TBC1D16: variants seen among roughly 807,000 people sequenced by gnomAD.
TBC1D16 encodes TBC1 domain family member 16.
A neutral mutation model predicts 74.7 loss-of-function variants in TBC1D16; 58 were observed. That is an observed-to-expected ratio of 0.78 (90% CI 0.63 to 0.97). The LOEUF is 0.97. Among genes scored for constraint, TBC1D16 ranks in the 50% least tolerant of loss-of-function variants. The pLI, the probability that TBC1D16 is intolerant of heterozygous loss-of-function variation, is 0.00. For synonymous variants in TBC1D16, 493 were observed against 474.7 expected (o/e 1.04, Z -0.50); for missense variants, 1,014 against 1,079.5 (o/e 0.94, Z 0.85).
chr17:79,984,615 G>GGGAGGGAA (rs2034745160), intron 3 of TBC1D16, among the ~76,000 whole-genome samples: 1 of 50,052 alleles, frequency 2.0e-5, no homozygotes, highest in Non-Finnish European at 4.0e-5. Context: ...GAGGGAGGGA[G>GGGAGGGAA]GGAGTGAAGG....
chr17:80,003,912 G>A (rs2035582810), intron 3 of TBC1D16, among the ~76,000 whole-genome samples: 2 of 152,176 alleles, frequency 1.3e-5, no homozygotes, highest in African/African-American at 4.8e-5. Flanking sequence ...AACGGGGCAT[G>A]GTGGTGCATG....
At position 79,941,685 on chromosome 17, in the gene TBC1D16, A is replaced by C. The variant is rs1253240085; in HGVS notation, c.2055+375T>G. 6.6e-6 allele frequency among the ~76,000 whole-genome samples: 1 copy of C among 152,206 alleles called. No individual in the cohort carries two copies. Among genetic ancestry groups the C allele is most frequent in the Non-Finnish European group, 1.5e-5 (1 of 68,032 alleles). ...CCAGTATTCTGGCCACCCTGTCCCC[A>C]GGTCCAGCCTCCTTCTCAGTGTTCC... On this transcript the variant is annotated intron_variant, in intron 11 of 11. Transcript: ENST00000310924. This position sits in a 1 kb window ranked among gnomAD's most constrained non-coding sequence, Gnocchi z 4.3.
rs75883580 is a variant in TBC1D16 at position 79,954,620 on chromosome 17, C to T, written c.780-1802G>A. 4.5e-4 allele frequency among the ~76,000 whole-genome samples: 68 copies of T among 152,294 alleles called. No individual in the cohort carries two copies. The East Asian group carries it at 6.2e-3, about 14-fold the overall frequency. On this transcript the variant is annotated intron_variant, in intron 3 of 11. Transcript: ENST00000310924. This position sits in a 1 kb window ranked among gnomAD's most constrained non-coding sequence, Gnocchi z 5.5. ...AGTGGACCCTGCGGGAGCTGCGCTT[C>T]AGAATCGTTGCTCACAACACAGGGC...
intron 3 of TBC1D16, among the ~76,000 whole-genome samples, chr17:79,955,078 G>A (rs1425017751): frequency 1.3e-5 from 2 of 152,202 alleles, no homozygotes; most frequent in Non-Finnish European, 2.9e-5. Context: ...CCCCAGCAAC[G>A]TGCCTCCAGG....
At chr17:79,948,088 AT>A (rs753043322) in intron 8 of TBC1D16, among the ~76,000 whole-genome samples, 1 of 152,194 alleles carries the variant, frequency 6.6e-6, no homozygotes, top group Non-Finnish European at 1.5e-5. Flanking sequence ...AGGTGGGCAG[AT>A]CACCTGAGGT....
intron 9 of TBC1D16, among the ~76,000 whole-genome samples, chr17:79,946,402 G>A (rs997498736): frequency 5.9e-4 from 90 of 152,308 alleles, no homozygotes; most frequent in African/African-American, 1.8e-3. Context: ...GGGAATGCTC[G>A]CTGGCCCGTC....
Position 79,935,171 on chromosome 17 carries a change from T to G in TBC1D16, c.*5688A>C, listed in dbSNP as rs2031504915. ...CAGCCAAGGCTCAATAAAATACTGTTTGTGTTTCCAGGCACTGGGGTGGGA... is the reference window on the plus strand; with the variant it reads ...CAGCCAAGGCTCAATAAAATACTGTGTGTGTTTCCAGGCACTGGGGTGGGA... On this transcript the variant is annotated 3_prime_UTR_variant, in exon 12 of 12. Coordinates refer to ENST00000310924, the MANE Select transcript of TBC1D16 (RefSeq NM_019020.4). 1 of 152,266 alleles carries G rather than the reference T, an allele frequency of 6.6e-6. No homozygotes were observed. Among genetic ancestry groups the G allele is most frequent in the Non-Finnish European group, 1.5e-5 (1 of 68,066 alleles). 9.4% of individuals were successfully genotyped at this position (152,266 alleles called of 1,614,324 possible). A position where few individuals can be genotyped will look rare whatever the true frequency, so the allele number is the denominator to read the frequency against.
intron 3 of TBC1D16, among the ~76,000 whole-genome samples, chr17:79,998,521 T>TA (rs1212458149): frequency 1.3e-5 from 2 of 148,800 alleles, no homozygotes; most frequent in Non-Finnish European, 1.5e-5. Flanking sequence ...ATAATTTTTT[T>TA]TTTTTTTTTT....
intron 1 of TBC1D16, among the ~76,000 whole-genome samples, chr17:80,017,048 T>C (rs1323559082): frequency 1.3e-5 from 2 of 152,076 alleles, no homozygotes; most frequent in Non-Finnish European, 2.9e-5. Context: ...CTCAACCGTC[T>C]CCAGGGCCCT....
intron 3 of TBC1D16, among the ~76,000 whole-genome samples, chr17:79,963,459 C>A (rs2165995): frequency 6.6e-6 from 1 of 151,990 alleles, no homozygotes; most frequent in Admixed American, 6.6e-5. Context: ...TTCCATTGTA[C>A]GGATGGACCG....
Position 80,035,811 on chromosome 17 carries a change from G to A in TBC1D16, c.-79C>T, listed in dbSNP as rs2036986589. 1 of 146,480 alleles carries A rather than the reference G, an allele frequency of 6.8e-6. No individual in the cohort carries two copies. The highest frequency in any genetic ancestry group is 1.5e-5 in the Non-Finnish European group (1 of 65,844). 9.1% of individuals were successfully genotyped at this position (146,480 alleles called of 1,614,324 possible). Reference sequence around the variant, plus strand: ...GATACCCACCCGGGTCCCGCTGCGGGGGCCGGATTCGCGCCGGCTCCGAGA... The same window carrying A: ...GATACCCACCCGGGTCCCGCTGCGGAGGCCGGATTCGCGCCGGCTCCGAGA... On this transcript the variant is annotated 5_prime_UTR_variant, in exon 1 of 12. Transcript: ENST00000310924. The surrounding 1 kb of genome is among the most constrained non-coding windows in gnomAD (Gnocchi z 5.3).
chr17:79,987,112 C>A lies in TBC1D16; in HGVS notation c.779+23048G>T, dbSNP rs2034871017. Among the ~76,000 whole-genome samples the A allele has an allele frequency of 6.6e-6, 1 of 152,202 alleles. No homozygotes were observed. Among genetic ancestry groups the A allele is most frequent in the South Asian group, 2.1e-4 (1 of 4,836 alleles). On this transcript the variant is annotated intron_variant, in intron 3 of 11. Transcript: ENST00000310924. The surrounding 1 kb of genome is among the most constrained non-coding windows in gnomAD (Gnocchi z 5.2). ...GTGTCGCTGCCCAAGGCAGAACTGG[C>A]TGCCCACCAGGGGCAGGAGACTGGA...
At chr17:80,013,928 GC>G (rs939352962) in intron 1 of TBC1D16, among the ~76,000 whole-genome samples, 3 of 152,134 alleles carry the variant, frequency 2.0e-5, no homozygotes, top group Non-Finnish European at 4.4e-5. Context: ...GAACCACTAA[GC>G]TACAGAAACT....
intron 7 of TBC1D16, among the ~76,000 whole-genome samples, chr17:79,949,233 G>A (rs1003752533): frequency 1.3e-5 from 2 of 152,266 alleles, no homozygotes; most frequent in Non-Finnish European, 2.9e-5. Flanking sequence ...GTCCCAGGAA[G>A]GAGAGCAAGT....
At chr17:79,989,922 G>T (rs377699491) in intron 3 of TBC1D16, among the ~76,000 whole-genome samples, 11 of 152,112 alleles carry the variant, frequency 7.2e-5, no homozygotes, top group African/African-American at 2.7e-4. Context: ...CACCCTCCTG[G>T]GGTGGCTGGG....
chr17:80,029,832 C>G (rs991725042), intron 1 of TBC1D16, among the ~76,000 whole-genome samples: 1 of 152,158 alleles, frequency 6.6e-6, no homozygotes, highest in African/African-American at 2.4e-5. Flanking sequence ...TGGAATGGGT[C>G]TCACAGGGCT....
rs951502017 is a variant in TBC1D16 at position 79,981,686 on chromosome 17, C to G, written c.779+28474G>C. ...GAGGGCTACAGTCAAAGAAGCACCT[C>G]CCACACCGGAGGCAAGGGACGCGCC... On this transcript the variant is annotated intron_variant, in intron 3 of 11. Coordinates refer to ENST00000310924, the MANE Select transcript of TBC1D16 (RefSeq NM_019020.4). This position sits in a 1 kb window ranked among gnomAD's most constrained non-coding sequence, Gnocchi z 6.9. Among the ~76,000 whole-genome samples the G allele has an allele frequency of 6.6e-6, 1 of 152,258 alleles. No homozygotes were observed. The highest frequency in any genetic ancestry group is 2.4e-5 in the African/African-American group (1 of 41,480).
chr17:79,963,228 G>GA (rs772713228), intron 3 of TBC1D16, among the ~76,000 whole-genome samples: 10 of 136,662 alleles, frequency 7.3e-5, no homozygotes, highest in Admixed American at 2.2e-4. Context: ...AAAAAAAAAA[G>GA]CAAAAAAAAA....
At chr17:79,949,958 G>C in intron 6 of TBC1D16, 93 bp from the exon 7 acceptor site, 1 of 1,454,090 alleles carries the variant, frequency 6.9e-7, no homozygotes. Context: ...GTGGTTTTTG[G>C]TGCGCCTTGA....
Sources: gnomAD v4.1 joint callset for allele counts (sites outside exome capture counted in the v4.1 genomes callset) on GRCh38, gnomAD v4.1.1 for gene constraint, Gnocchi (gnomAD v3.1) non-coding constraint, MANE v1.5 for transcripts, NCBI Gene and HGNC (gene_info 2026-07-23, HGNC 2026-07-21) for gene names.